FREM2: variants seen among roughly 807,000 people sequenced by gnomAD.
FREM2 encodes the protein FRAS1-related extracellular matrix protein 2.
In FREM2, 119 loss-of-function variants were observed where a neutral mutation model predicts 219.9. The ratio of observed to expected loss-of-function variants is 0.54; its 90% CI spans 0.47 to 0.63. The LOEUF (loss-of-function observed/expected upper bound fraction) is 0.63. Ranked by LOEUF, FREM2 falls within the 30% of genes least tolerant of loss-of-function variation. The probability of loss-of-function intolerance (pLI) is 0.00; values close to 1 mark genes in which losing one functional copy is unlikely to be tolerated. For missense variants in FREM2, 4,030 were observed against 3,993.6 expected (o/e 1.01, Z -0.25); for synonymous variants, 1,562 against 1,522.8 (o/e 1.03, Z -0.60).
In FREM2 at chr13:38,687,529, G is replaced by C. The variant is rs1481835084; in HGVS notation, c.185G>C (p.Gly62Ala). The change falls in exon 1 of 24, where the codon GGG becomes GCG. Residue 62 changes from glycine (G) to alanine (A), a missense_variant. Around this residue, in one of 2 missense-constraint regions of FREM2, gnomAD observed 3,102 missense variants for 2,950.7 expected, o/e 1.05. Coordinates refer to ENST00000280481, the MANE Select transcript of FREM2 (RefSeq NM_207361.6). Reference sequence around the variant, plus strand: ...GCGTTGCTGTCCCCTGGTCTCGCGGGGGCTGCAGGGGTCCCTGCTGAGGAG... The same window carrying C: ...GCGTTGCTGTCCCCTGGTCTCGCGGCGGCTGCAGGGGTCCCTGCTGAGGAG... ...GRALLSPGLA[G>A]AAGVPAEEAI... 4 of 1,598,910 alleles carry C rather than the reference G, an allele frequency of 2.5e-6. No homozygotes were observed. Among genetic ancestry groups the C allele is most frequent in the Non-Finnish European group, 3.4e-6 (4 of 1,172,940 alleles).
Position 38,881,107 on chromosome 13 carries a change from A to G in FREM2, c.*320A>G, listed in dbSNP as rs1266180761. 2 of 402,754 alleles carry G rather than the reference A, an allele frequency of 5.0e-6. No homozygotes were observed. Among genetic ancestry groups the G allele is most frequent in the African/African-American group, 4.1e-5 (2 of 48,990 alleles). The allele number at this position is 402,754 out of a possible 1,614,324, so 24.9% of individuals were successfully genotyped here. On this transcript the variant is annotated 3_prime_UTR_variant, in exon 24 of 24. Coordinates refer to ENST00000280481, the MANE Select transcript of FREM2 (RefSeq NM_207361.6). ...GAGATAAATCTATTAAAAGGTGCTAACAGACTCTCTTACAAGTGTAAGAGG... is the reference window on the plus strand; with the variant it reads ...GAGATAAATCTATTAAAAGGTGCTAGCAGACTCTCTTACAAGTGTAAGAGG...
intron 6 of FREM2, among the ~76,000 whole-genome samples, chr13:38,793,297 G>C (rs922876242): frequency 1.3e-5 from 2 of 152,120 alleles, no homozygotes; most frequent in African/African-American, 4.8e-5. Context: ...ACTAAGACAA[G>C]AACACCTTTC....
At chr13:38,807,343 G>A (rs1875287852) in intron 6 of FREM2, among the ~76,000 whole-genome samples, 1 of 149,256 alleles carries the variant, frequency 6.7e-6, no homozygotes, top group South Asian at 2.1e-4. Flanking sequence ...CCAAATTACT[G>A]GGATGATAGC....
intron 17 of FREM2, among the ~76,000 whole-genome samples, chr13:38,874,049 A>C (rs1878258252): frequency 6.6e-6 from 1 of 152,184 alleles, no homozygotes; most frequent in African/African-American, 2.4e-5. Flanking sequence ...AATTTTATCA[A>C]ACTGCTAAAT....
chr13:38,770,235 G>A (rs1027636605), intron 4 of FREM2, among the ~76,000 whole-genome samples: 3 of 148,548 alleles, frequency 2.0e-5, no homozygotes, highest in Non-Finnish European at 4.5e-5. Flanking sequence ...ATATAAAATC[G>A]TTTGTAAAGA....
intron 2 of FREM2, among the ~76,000 whole-genome samples, chr13:38,716,881 G>T (rs1426091237): frequency 6.6e-6 from 1 of 152,188 alleles, no homozygotes; most frequent in Non-Finnish European, 1.5e-5. Flanking sequence ...ATGTGTACAC[G>T]CATAGACAAA....
In FREM2 at chr13:38,690,719, G is replaced by A. The variant is rs747658972; in HGVS notation, c.3375G>A (p.Glu1125=). ...ACATTTCTCCAGCACCAGGCTCTGAGAAATCAAGAGCAGGGATTGCCATAA... is the reference window on the plus strand; with the variant it reads ...ACATTTCTCCAGCACCAGGCTCTGAAAAATCAAGAGCAGGGATTGCCATAA... The part of the protein sequence containing the change: ...VENISPAPGS[E]KSRAGIAISA... Residue 1125 remains glutamate, a synonymous_variant, in exon 1 of 24, where the codon GAG becomes GAA. Transcript: ENST00000280481. The A allele has an allele frequency of 1.2e-6, 2 of 1,614,092 alleles. No homozygotes were observed. Among genetic ancestry groups the A allele is most frequent in the East Asian group, 4.5e-5 (2 of 44,884 alleles).
In FREM2 at chr13:38,687,177, C is replaced by A; in HGVS notation, c.-168C>A. 2.1e-6 allele frequency: 2 copies of A among 933,634 alleles called. 1 individual carries two copies. The highest frequency in any genetic ancestry group is 3.3e-5 in the South Asian group (2 of 60,618). 57.8% of individuals were successfully genotyped at this position (933,634 alleles called of 1,614,324 possible). A position where few individuals can be genotyped will look rare whatever the true frequency, so the allele number is the denominator to read the frequency against. The stretch of plus-strand genomic sequence containing the variant: ...TCCTCGGCTGCGGCTCCAGCCCGGA[C>A]GGCGCCGCGCAACTTTGCCATCCTT... On this transcript the variant is annotated 5_prime_UTR_variant, in exon 1 of 24. Transcript: ENST00000280481.
chr13:38,834,711 CTT>C (rs1876642142), intron 6 of FREM2, among the ~76,000 whole-genome samples: 1 of 152,094 alleles, frequency 6.6e-6, no homozygotes, highest in African/African-American at 2.4e-5. Context: ...TGATAATGAG[CTT>C]TTTTCATATG....
chr13:38,809,760 A>G (rs1019030230), intron 6 of FREM2, among the ~76,000 whole-genome samples: 47 of 152,094 alleles, frequency 3.1e-4, no homozygotes, highest in African/African-American at 1.1e-3. Flanking sequence ...GAAGTGAGTT[A>G]ATGTGATTCC....
intron 13 of FREM2, 137 bp downstream of exon 13, chr13:38,858,170 T>A: frequency 1.3e-6 from 1 of 751,302 alleles, no homozygotes; most frequent in South Asian, 1.7e-5. Flanking sequence ...GAGCTTTGCA[T>A]ATATAACACT....
intron 6 of FREM2, among the ~76,000 whole-genome samples, chr13:38,805,998 A>G (rs1037365526): frequency 6.6e-6 from 1 of 151,350 alleles, no homozygotes; most frequent in Non-Finnish European, 1.5e-5. Context: ...TAGTCATTTA[A>G]CATCTTTTTT....
In FREM2 at chr13:38,877,117, G is replaced by C. The variant is rs771289541; in HGVS notation, c.8545G>C (p.Val2849Leu). ...TFDLDIRFQQVSDPVAAEFSL... is the reference protein window; with the variant it reads ...TFDLDIRFQQLSDPVAAEFSL... The stretch of plus-strand genomic sequence containing the variant: ...AAAGAACTTTTACCTTTGGTTTTAG[G>C]TCAGTGATCCAGTGGCTGCTGAGTT... The change falls in exon 21 of 24, where the codon GTC becomes CTC. Residue 2849 changes from valine to leucine, a missense_variant and splice_region_variant. Coordinates refer to ENST00000280481, the MANE Select transcript of FREM2 (RefSeq NM_207361.6). 1.9e-6 allele frequency: 3 copies of C among 1,614,088 alleles called. No homozygotes were observed. The highest frequency in any genetic ancestry group is 1.1e-5 in the South Asian group (1 of 91,088).
Position 38,886,560 on chromosome 13 carries a change from G to C in FREM2, c.*5773G>C, listed in dbSNP as rs1195610657. ...TTACAGGTGCCCACTACCATGCCTG[G>C]CTAGTTTTTGTATTTTTAGTAGAGA... On this transcript the variant is annotated 3_prime_UTR_variant, in exon 24 of 24. Coordinates refer to ENST00000280481, the MANE Select transcript of FREM2 (RefSeq NM_207361.6). The C allele has an allele frequency of 2.0e-5, 3 of 152,054 alleles. No homozygotes were observed. Among genetic ancestry groups the C allele is most frequent in the Non-Finnish European group, 4.4e-5 (3 of 68,038 alleles). The allele number at this position is 152,054 out of a possible 1,614,324, so 9.4% of individuals were successfully genotyped here.
At chr13:38,787,438 A>G (rs984840580) in intron 6 of FREM2, among the ~76,000 whole-genome samples, 3 of 151,930 alleles carry the variant, frequency 2.0e-5, no homozygotes, top group Admixed American at 6.6e-5. Flanking sequence ...ATCTCTTCCT[A>G]CCCACACCTT....
chr13:38,785,647 G>C (rs755355559), intron 6 of FREM2, among the ~76,000 whole-genome samples: 7 of 152,272 alleles, frequency 4.6e-5, no homozygotes, highest in Middle Eastern at 6.8e-3. Context: ...TACCAGGAAA[G>C]GTCTTTGATA....
At chr13:38,725,712 A>G (rs538056607) in intron 2 of FREM2, among the ~76,000 whole-genome samples, 2 of 152,218 alleles carry the variant, frequency 1.3e-5, no homozygotes, top group Non-Finnish European at 1.5e-5. Flanking sequence ...TCTTCCACTT[A>G]AAGTTTTCAA....
chr13:38,692,542 G>GTT, intron 1 of FREM2, 25 bp downstream of exon 1: 1 of 1,602,528 alleles, frequency 6.2e-7, no homozygotes, highest in Non-Finnish European at 8.5e-7. Flanking sequence ...TCTTTTCTTG[G>GTT]TTATCCTTGT....
rs1244696243 is a variant in FREM2, at chr13:38,818,460, T to C, written c.6020-28113T>C. ...AAAGACAAATACCACATGATGTCAC[T>C]CATATGTGGAATCTACAAAGGAAAA... On this transcript the variant is annotated intron_variant, in intron 6 of 23. Transcript: ENST00000280481. 3.9e-5 allele frequency among the ~76,000 whole-genome samples: 6 copies of C among 151,974 alleles called. No homozygotes were observed. In the South Asian group the frequency reaches 6.2e-4, roughly 16 times the overall value.
Sources: gnomAD v4.1 joint callset for allele counts (sites outside exome capture counted in the v4.1 genomes callset) on GRCh38, gnomAD v4.1.1 for gene constraint, gnomAD v4.1.1 regional missense constraint, MANE v1.5 for transcripts, NCBI Gene and HGNC (gene_info 2026-07-23, HGNC 2026-07-21) for gene names.